The following IGSF21 variants were observed in gnomAD, a reference collection of about 807,000 sequenced individuals.
IGSF21 encodes the protein immunoglobin superfamily member 21, also known as immunoglobulin superfamily member 21.
IGSF21 carries 28 observed loss-of-function variants against 46.8 expected under a neutral mutation model. The observed-to-expected ratio is 0.60, with a 90% CI of 0.44 to 0.82. The LOEUF is 0.82. Among genes scored for constraint, IGSF21 ranks in the 40% least tolerant of loss-of-function variants. The pLI, the probability that IGSF21 is intolerant of heterozygous loss-of-function variation, is 0.00. For missense variants in IGSF21, 624 were observed against 665.5 expected (o/e 0.94, Z 0.69); for synonymous variants, 284 against 273.6 (o/e 1.04, Z -0.38).
intron 1 of IGSF21, among the ~76,000 whole-genome samples, chr1:18,193,577 T>G (rs1038215477): frequency 1.6e-4 from 24 of 152,140 alleles, no homozygotes; most frequent in African/African-American, 5.8e-4. Flanking sequence ...GCTGGGAGTC[T>G]AGGCCAGTCT....
intron 4 of IGSF21, chr1:18,361,884 T>C: frequency 1.9e-6 from 1 of 529,400 alleles, no homozygotes; most frequent in Non-Finnish European, 3.4e-6. Flanking sequence ...TTCCTGTGTG[T>C]CTTCTACACT....
intron 4 of IGSF21, among the ~76,000 whole-genome samples, chr1:18,336,546 T>C (rs1244406378): frequency 6.6e-6 from 1 of 152,220 alleles, no homozygotes; most frequent in African/African-American, 2.4e-5. Context: ...CCAGGCATCT[T>C]GACTCCAAGG....
chr1:18,203,345 G>A (rs1207686392), intron 1 of IGSF21, among the ~76,000 whole-genome samples: 1 of 152,170 alleles, frequency 6.6e-6, no homozygotes, highest in Non-Finnish European at 1.5e-5. Context: ...GTCTCCCTCT[G>A]TCGCCAAGGC....
intron 2 of IGSF21, among the ~76,000 whole-genome samples, chr1:18,276,672 G>T (rs918522537): frequency 4.6e-5 from 7 of 152,006 alleles, no homozygotes; most frequent in East Asian, 1.9e-4. Flanking sequence ...TGAGAGCTGG[G>T]GTCACAAGCC....
intron 1 of IGSF21, among the ~76,000 whole-genome samples, chr1:18,178,887 A>C (rs1178128864): frequency 6.6e-6 from 1 of 152,238 alleles, no homozygotes; most frequent in Non-Finnish European, 1.5e-5. Flanking sequence ...CTCTTTGAGA[A>C]TCTAAGGGCA....
intron 2 of IGSF21, among the ~76,000 whole-genome samples, chr1:18,255,823 G>A (rs1395572263): frequency 1.3e-5 from 2 of 152,098 alleles, no homozygotes; most frequent in African/African-American, 4.8e-5. Context: ...TGCTGTTCTA[G>A]TCCACCATCA....
intron 3 of IGSF21, among the ~76,000 whole-genome samples, chr1:18,332,962 G>A (rs1011931984): frequency 1.3e-5 from 2 of 152,198 alleles, no homozygotes; most frequent in African/African-American, 4.8e-5. Flanking sequence ...GTAGCTAAAA[G>A]GAGAGAAGAA....
At chr1:18,266,702 A>G (rs2084992616) in intron 2 of IGSF21, among the ~76,000 whole-genome samples, 1 of 152,256 alleles carries the variant, frequency 6.6e-6, no homozygotes, top group African/African-American at 2.4e-5. Context: ...TGGCCAGCCC[A>G]GGTCCAAGGA....
chr1:18,164,302 T>G (rs2086657026), intron 1 of IGSF21, among the ~76,000 whole-genome samples: 1 of 152,012 alleles, frequency 6.6e-6, no homozygotes, highest in Non-Finnish European at 1.5e-5. Flanking sequence ...CCCCTTTCCT[T>G]CTTTCTTCCC....
intron 4 of IGSF21, among the ~76,000 whole-genome samples, chr1:18,339,494 G>A (rs2085806252): frequency 6.6e-6 from 1 of 152,188 alleles, no homozygotes; most frequent in African/African-American, 2.4e-5. Flanking sequence ...TACTTCCGGA[G>A]GCTGAGGTGG....
chr1:18,154,628 G>A (rs1389320715), intron 1 of IGSF21, among the ~76,000 whole-genome samples: 1 of 149,156 alleles, frequency 6.7e-6, no homozygotes, highest in Admixed American at 6.7e-5. Flanking sequence ...CCCTGGGAGA[G>A]CAGTGGCTTC....
chr1:18,351,098 G>A (rs1470647097), intron 4 of IGSF21, among the ~76,000 whole-genome samples: 3 of 152,096 alleles, frequency 2.0e-5, no homozygotes, highest in African/African-American at 7.2e-5. Context: ...CAGGGAGGGG[G>A]AAATGACGGC....
intron 1 of IGSF21, among the ~76,000 whole-genome samples, chr1:18,125,322 C>G (rs1450684264): frequency 6.6e-6 from 1 of 152,220 alleles, no homozygotes; most frequent in Non-Finnish European, 1.5e-5. Flanking sequence ...GTTCACAACA[C>G]CATGGGGCAC....
rs2086108231 is a variant in IGSF21, at chr1:18,362,179, C to T, written c.489C>T (p.Ala163=). 1.9e-6 allele frequency: 3 copies of T among 1,613,388 alleles called. No homozygotes were observed. The highest frequency in any genetic ancestry group is 2.5e-6 in the Non-Finnish European group (3 of 1,179,786). The change falls in exon 5 of 10, where the codon GCC becomes GCT. Residue 163 remains alanine, a synonymous_variant. Coordinates refer to ENST00000251296, the MANE Select transcript of IGSF21 (RefSeq NM_032880.5). Reference sequence around the variant, plus strand: ...CAGCCCCCTTCAGCCGCTACCAAGCCCAGAACTTCACGCTGGTCTGCATCG... The same window carrying T: ...CAGCCCCCTTCAGCCGCTACCAAGCTCAGAACTTCACGCTGGTCTGCATCG... The part of the protein sequence containing the change: ...DTPAPFSRYQ[A]QNFTLVCIVS...
chr1:18,195,715 C>A (rs2086999962), intron 1 of IGSF21, among the ~76,000 whole-genome samples: 1 of 152,222 alleles, frequency 6.6e-6, no homozygotes, highest in African/African-American at 2.4e-5. Context: ...CACACAACAG[C>A]TACACTGCGG....
At chr1:18,239,693 C>A (rs2084706625) in intron 2 of IGSF21, among the ~76,000 whole-genome samples, 1 of 152,168 alleles carries the variant, frequency 6.6e-6, no homozygotes, top group African/African-American at 2.4e-5. Flanking sequence ...GCGTGCAATG[C>A]CCTTCTCCCC....
intron 4 of IGSF21, among the ~76,000 whole-genome samples, chr1:18,341,130 C>CTT (rs58687417): frequency 0.013 from 1,742 of 136,066 alleles, 39 homozygotes; most frequent in African/African-American, 0.043. Flanking sequence ...TTCTTCTTCT[C>CTT]TTTTTTTTTT....
At chr1:18,302,221 C>A (rs999407465) in intron 3 of IGSF21, among the ~76,000 whole-genome samples, 1 of 152,196 alleles carries the variant, frequency 6.6e-6, no homozygotes, top group Non-Finnish European at 1.5e-5. Flanking sequence ...CCTCCCCAAC[C>A]CTCTCCCCAG....
At chr1:18,198,505 T>C (rs557988573) in intron 1 of IGSF21, among the ~76,000 whole-genome samples, 53 of 152,184 alleles carry the variant, frequency 3.5e-4, no homozygotes, top group Non-Finnish European at 6.3e-4. Context: ...TTTATTTTCT[T>C]CACTATAAAG....
Sources: gnomAD v4.1 joint callset for allele counts (sites outside exome capture counted in the v4.1 genomes callset) on GRCh38, gnomAD v4.1.1 for gene constraint, MANE v1.5 for transcripts, NCBI Gene and HGNC (gene_info 2026-07-23, HGNC 2026-07-21) for gene names.